WDR45B: variants seen among roughly 807,000 people sequenced by gnomAD.
The protein encoded by WDR45B is WD repeat domain 45B.
Under a neutral mutation model 44.6 loss-of-function variants are expected in WDR45B, and 20 were observed. The ratio of observed to expected loss-of-function variants is 0.45; its 90% CI spans 0.32 to 0.65. The LOEUF is 0.65. WDR45B is among the 30% of genes least tolerant of loss of function. The probability of loss-of-function intolerance (pLI) is 0.05; values close to 1 mark genes in which losing one functional copy is unlikely to be tolerated. For synonymous variants in WDR45B, 169 were observed against 164.9 expected (o/e 1.02, Z -0.19); for missense variants, 323 against 430.2 (o/e 0.75, Z 2.20).
chr17:82,643,195 G>C (rs1022393067), intron 2 of WDR45B, among the ~76,000 whole-genome samples: 4 of 152,202 alleles, frequency 2.6e-5, no homozygotes, highest in African/African-American at 7.2e-5. Context: ...AGCACTTTGA[G>C]AGGCCGAGGT....
intron 3 of WDR45B, among the ~76,000 whole-genome samples, chr17:82,627,774 ACCCTTG>A (rs1480149425): frequency 1.3e-5 from 2 of 152,156 alleles, no homozygotes; most frequent in African/African-American, 2.4e-5. Context: ...CTCTCTGCCA[ACCCTTG>A]CCCTTGCCTG....
intron 2 of WDR45B, among the ~76,000 whole-genome samples, chr17:82,643,472 G>A (rs2045941439): frequency 6.6e-6 from 1 of 152,016 alleles, no homozygotes; most frequent in East Asian, 1.9e-4. Context: ...CAAAGAGGCT[G>A]AGAAATTTGC....
chr17:82,617,206 C>A (rs922337611), intron 8 of WDR45B, 90 bp downstream of exon 8: 12 of 1,171,352 alleles, frequency 1.0e-5, no homozygotes, highest in Middle Eastern at 2.8e-4. Flanking sequence ...CACCACCCTG[C>A]TGGGGTGGGG....
intron 1 of WDR45B, 56 bp from the exon 2 acceptor site, chr17:82,644,079 AAG>A: frequency 6.4e-7 from 1 of 1,561,914 alleles, no homozygotes; most frequent in Admixed American, 1.7e-5. Context: ...GGTTAAAAGA[AAG>A]AGGTCTGGAG....
chr17:82,631,310 G>C (rs1598270654), intron 2 of WDR45B, among the ~76,000 whole-genome samples: 1 of 127,592 alleles, frequency 7.8e-6, no homozygotes, highest in South Asian at 2.6e-4. Context: ...TTGAGAAGGA[G>C]TCTTGCTCTG....
chr17:82,629,958 C>G, intron 3 of WDR45B: 1 of 985,228 alleles, frequency 1.0e-6, no homozygotes, highest in Non-Finnish European at 1.2e-6. Flanking sequence ...CTCTCCTTCC[C>G]TCCTCACCTC....
Position 82,643,984 on chromosome 17 carries a change from T to C in WDR45B, c.107A>G (p.Tyr36Cys), listed in dbSNP as rs774276527. The change falls in exon 2 of 10, where the codon TAT becomes TGT. Residue 36 changes from tyrosine to cysteine, a missense_variant. Transcript: ENST00000392325. ...ACGMENGFRV[Y>C]NTDPLKEKEK... ...TTTTTCTTTTAGTGGATCAGTGTTA[T>C]AGACTCGGAATCCATTTTCCATCCC... 5.6e-6 allele frequency: 9 copies of C among 1,614,200 alleles called. No individual in the cohort carries two copies. Among genetic ancestry groups the C allele is most frequent in the East Asian group, 2.2e-5 (1 of 44,886 alleles).
intron 3 of WDR45B, among the ~76,000 whole-genome samples, chr17:82,630,362 G>A (rs1380851616): frequency 2.2e-5 from 3 of 137,960 alleles, no homozygotes; most frequent in Non-Finnish European, 4.5e-5. Flanking sequence ...TGGATCTTTC[G>A]CCTTGAGCCC....
intron 2 of WDR45B, among the ~76,000 whole-genome samples, chr17:82,635,948 G>A (rs2045826961): frequency 6.6e-6 from 1 of 151,848 alleles, no homozygotes; most frequent in Admixed American, 6.6e-5. Flanking sequence ...CTTGCCAGGT[G>A]TGGTGGCGCA....
At chr17:82,631,049 A>G in intron 2 of WDR45B, 27 bp from the exon 3 acceptor site, 3 of 1,587,912 alleles carry the variant, frequency 1.9e-6, no homozygotes, top group East Asian at 2.2e-5. Context: ...AAAAAGACCA[A>G]TGTTACAAGT....
chr17:82,633,994 C>CA (rs112462762), intron 2 of WDR45B, among the ~76,000 whole-genome samples: 16,936 of 149,394 alleles, frequency 0.11, 1,022 homozygotes, highest in Middle Eastern at 0.23. Flanking sequence ...ACTAAAAATT[C>CA]AAAAAAATTA....
chr17:82,642,742 T>G (rs2045933166), intron 2 of WDR45B, among the ~76,000 whole-genome samples: 1 of 152,168 alleles, frequency 6.6e-6, no homozygotes, highest in Non-Finnish European at 1.5e-5. Context: ...TTCCCCACAT[T>G]CAGTCACAGA....
intron 2 of WDR45B, among the ~76,000 whole-genome samples, chr17:82,639,586 G>A (rs1056762108): frequency 4.6e-5 from 7 of 152,036 alleles, no homozygotes; most frequent in Admixed American, 6.5e-5. Flanking sequence ...CCTTCACCTG[G>A]CACGCTGGGT....
chr17:82,635,426 G>GTTTTTT (rs35735710), intron 2 of WDR45B, among the ~76,000 whole-genome samples: 1 of 135,642 alleles, frequency 7.4e-6, no homozygotes, highest in Non-Finnish European at 1.6e-5. Context: ...GTCTTTTCAG[G>GTTTTTT]TTTTTTTTTT....
chr17:82,627,756 G>A lies in WDR45B; in HGVS notation c.245-465C>T, dbSNP rs1043025730. On this transcript the variant is annotated intron_variant, in intron 3 of 9. Transcript: ENST00000392325. The stretch of plus-strand genomic sequence containing the variant: ...CCTCGCACACAGGCGCGCTGAGCGC[G>A]TTCATCTCTCTCTGCCAACCCTTGC... Among the ~76,000 whole-genome samples, 4 of 152,334 alleles carry A rather than the reference G, an allele frequency of 2.6e-5. No individual in the cohort carries two copies. In the South Asian group the frequency reaches 6.2e-4, roughly 24 times the overall value.
intron 2 of WDR45B, among the ~76,000 whole-genome samples, chr17:82,639,111 C>T (rs902778572): frequency 1.3e-5 from 2 of 152,016 alleles, no homozygotes; most frequent in Non-Finnish European, 2.9e-5. Context: ...ATGAGCCACT[C>T]TGCCTGGCCA....
chr17:82,648,269 C>T lies in WDR45B; in HGVS notation c.67+5G>A, dbSNP rs754777773. On this transcript the variant is annotated splice_donor_5th_base_variant and intron_variant, in intron 1 of 9. Coordinates refer to ENST00000392325, the MANE Select transcript of WDR45B (RefSeq NM_019613.4). ...GGGCAAGGCGACAGGGCCGCGCCTC[C>T]TCACCGTGGTCCTGGTTGAAGCCGG... The T allele has an allele frequency of 6.2e-7, 1 of 1,604,734 alleles. No individual in the cohort carries two copies. Among genetic ancestry groups the T allele is most frequent in the Non-Finnish European group, 8.5e-7 (1 of 1,177,284 alleles).
At position 82,617,440 on chromosome 17, in the gene WDR45B, G is replaced by C. The variant is rs775951181; in HGVS notation, c.705-43C>G. 217 of 1,590,402 alleles carry C rather than the reference G, an allele frequency of 1.4e-4. 2 individuals are homozygous for C. Among genetic ancestry groups the C allele is most frequent in the Admixed American group, 1.3e-3 (75 of 59,120 alleles). On this transcript the variant is annotated intron_variant, in intron 7 of 9. Coordinates refer to ENST00000392325, the MANE Select transcript of WDR45B (RefSeq NM_019613.4). ...ACAGCTCAGGCCTTGTGTGGATGTG[G>C]AGGAGTCCAGAGACTTAACCCACAG... is the stretch of plus-strand genomic sequence containing the variant.
At chr17:82,648,165 G>C in intron 1 of WDR45B, 109 bp downstream of exon 1, 2 of 1,295,320 alleles carry the variant, frequency 1.5e-6, no homozygotes, top group East Asian at 2.9e-5. Context: ...CCGGGGTCCC[G>C]GGTGGAAGGC....
Sources: allele counts gnomAD v4.1 joint callset (sites outside exome capture counted in the v4.1 genomes callset), GRCh38; gene constraint gnomAD v4.1.1; transcripts MANE v1.5; gene names NCBI Gene and HGNC (gene_info 2026-07-23, HGNC 2026-07-21).